The following XXYLT1 variants were observed in gnomAD, a reference collection of about 807,000 sequenced individuals.
XXYLT1 encodes xyloside xylosyltransferase 1.
XXYLT1 carries 20 observed loss-of-function variants against 28.9 expected under a neutral mutation model. That is an observed-to-expected ratio of 0.69 (90% confidence interval 0.49 to 1.00). The LOEUF is 1.00. Among genes scored for constraint, XXYLT1 ranks in the 50% least tolerant of loss-of-function variants. The pLI is 0.00. For synonymous variants in XXYLT1, 257 were observed against 253.8 expected (o/e 1.01, Z -0.12); for missense variants, 542 against 560.1 (o/e 0.97, Z 0.33).
rs961479580 is a variant in XXYLT1, at chr3:195,256,062, T to C, written c.504+14493A>G. 6.6e-6 allele frequency among the ~76,000 whole-genome samples: 1 copy of C among 152,158 alleles called. No individual in the cohort carries two copies. The highest frequency in any genetic ancestry group is 1.5e-5 in the Non-Finnish European group (1 of 68,004). On this transcript the variant is annotated intron_variant, in intron 1 of 3. Coordinates refer to ENST00000310380, the MANE Select transcript of XXYLT1 (RefSeq NM_152531.5). The surrounding 1 kb of genome is among the most constrained non-coding windows in gnomAD (Gnocchi z 4.2). ...GCCAGCAGCAGGCACAGGGGCACCG[T>C]GGGAACCCTTCTGGTGGGGCCCCAG...
chr3:195,076,242 C>T lies in XXYLT1; in HGVS notation c.786-6131G>A, dbSNP rs73074247. Among the ~76,000 whole-genome samples the T allele has an allele frequency of 0.014, 2,183 of 152,280 alleles. 32 individuals carry two copies. Among genetic ancestry groups the T allele is most frequent in the African/African-American group, 0.034 (1,394 of 41,556 alleles). On this transcript the variant is annotated intron_variant, in intron 3 of 3. Transcript: ENST00000310380. This position sits in a 1 kb window ranked among gnomAD's most constrained non-coding sequence, Gnocchi z 5.3. The stretch of plus-strand genomic sequence containing the variant: ...GAAGTGAGAAAAGAGGTGACATCTG[C>T]TGAGCAGATGTGCACAGCTTTAATC...
chr3:195,089,104 A>C (rs1350366906), intron 3 of XXYLT1, among the ~76,000 whole-genome samples: 1 of 150,518 alleles, frequency 6.6e-6, no homozygotes, highest in African/African-American at 2.4e-5. Context: ...AACACTCTGC[A>C]GGATATTATC....
At chr3:195,095,612 C>T (rs566088542) in intron 3 of XXYLT1, 24 of 153,960 alleles carry the variant, frequency 1.6e-4, no homozygotes, top group African/African-American at 5.0e-4. Context: ...ACTTTGTCAC[C>T]TGTGTGCTTA....
At chr3:195,175,699 G>C in intron 2 of XXYLT1, 1 of 1,536,150 alleles carries the variant, frequency 6.5e-7, no homozygotes, top group South Asian at 1.2e-5. Flanking sequence ...GATGGACTAT[G>C]AGCAGAAGTG....
intron 2 of XXYLT1, among the ~76,000 whole-genome samples, chr3:195,167,931 G>T (rs1467652387): frequency 1.3e-5 from 2 of 152,180 alleles, no homozygotes; most frequent in Non-Finnish European, 2.9e-5. Flanking sequence ...CAGGATACGG[G>T]ATCACTGTCC....
intron 2 of XXYLT1, among the ~76,000 whole-genome samples, chr3:195,166,126 A>G (rs1004811638): frequency 6.6e-6 from 1 of 151,800 alleles, no homozygotes; most frequent in Non-Finnish European, 1.5e-5. Context: ...CTTCCCATGG[A>G]GCAGAAGTCC....
chr3:195,204,441 G>GACACACAC (rs1389880459), intron 2 of XXYLT1, among the ~76,000 whole-genome samples: 2 of 146,742 alleles, frequency 1.4e-5, no homozygotes, highest in Non-Finnish European at 3.0e-5. Flanking sequence ...CTCTCTCCCT[G>GACACACAC]ACACACACAC....
At chr3:195,083,180 A>T (rs759791150) in intron 3 of XXYLT1, among the ~76,000 whole-genome samples, 6 of 152,158 alleles carry the variant, frequency 3.9e-5, no homozygotes, top group Non-Finnish European at 8.8e-5. Context: ...CCTACGCATA[A>T]GATCGCATCT....
intron 3 of XXYLT1, among the ~76,000 whole-genome samples, chr3:195,074,890 T>C (rs1715027537): frequency 6.6e-6 from 1 of 152,232 alleles, no homozygotes; most frequent in African/African-American, 2.4e-5. Context: ...CTGACCCTTA[T>C]TAGGATCTCT....
At chr3:195,227,716 G>T (rs1724117951) in intron 1 of XXYLT1, among the ~76,000 whole-genome samples, 1 of 152,050 alleles carries the variant, frequency 6.6e-6, no homozygotes, top group Non-Finnish European at 1.5e-5. Flanking sequence ...TAAATGCAGA[G>T]TCAGAACTTG....
intron 3 of XXYLT1, among the ~76,000 whole-genome samples, chr3:195,112,662 G>T (rs114723404): frequency 0.034 from 4,920 of 144,824 alleles, 281 homozygotes; most frequent in African/African-American, 0.12. Flanking sequence ...TCCCAGCCCC[G>T]GGTGGTGGGA....
intron 2 of XXYLT1, chr3:195,175,754 C>A (rs1721634712): frequency 8.5e-6 from 13 of 1,527,950 alleles, no homozygotes; most frequent in South Asian, 2.4e-5. Flanking sequence ...CACTGCAGGG[C>A]CTCAGCCACT....
rs75860980 is a variant in XXYLT1 at position 195,136,437 on chromosome 3, G to C, written c.785+20012C>G. ...TCCTAATTCAGGAAATAGAGGATGT[G>C]GTCTAAGAACCATCACTCCAGGACC... On this transcript the variant is annotated intron_variant, in intron 3 of 3. Transcript: ENST00000310380. Among the ~76,000 whole-genome samples, 295 of 152,162 alleles carry C rather than the reference G, an allele frequency of 1.9e-3. 3 individuals carry two copies. In the East Asian group the frequency reaches 0.031, roughly 16 times the overall value.
intron 3 of XXYLT1, among the ~76,000 whole-genome samples, chr3:195,112,202 A>C (rs1717756627): frequency 6.6e-6 from 1 of 152,184 alleles, no homozygotes; most frequent in Non-Finnish European, 1.5e-5. Flanking sequence ...CATCTCAGCG[A>C]CACCTGGGCA....
chr3:195,098,350 G>T (rs978719786), intron 3 of XXYLT1, among the ~76,000 whole-genome samples: 1 of 152,088 alleles, frequency 6.6e-6, no homozygotes, highest in African/African-American at 2.4e-5. Context: ...TCAGAAGATC[G>T]AGACCATCCT....
intron 3 of XXYLT1, among the ~76,000 whole-genome samples, chr3:195,088,180 A>ATT (rs1715878217): frequency 6.6e-6 from 1 of 151,628 alleles, no homozygotes; most frequent in African/African-American, 2.4e-5. Context: ...GGTGGAGCCC[A>ATT]CCACAGCTCA....
chr3:195,143,863 TAGATATAGATATATATA>T (rs1560117256), intron 3 of XXYLT1, among the ~76,000 whole-genome samples: 4 of 98,400 alleles, frequency 4.1e-5, no homozygotes, highest in South Asian at 8.1e-4. Context: ...TAGATATATA[TAGATATAGATATATATA>T]TATATATATT....
At chr3:195,083,922 G>A (rs1715579329) in intron 3 of XXYLT1, among the ~76,000 whole-genome samples, 1 of 152,068 alleles carries the variant, frequency 6.6e-6, no homozygotes, top group South Asian at 2.1e-4. Context: ...GCTCCTCAAG[G>A]TGCTGAGGCA....
At chr3:195,140,374 G>A (rs1318400599) in intron 3 of XXYLT1, among the ~76,000 whole-genome samples, 3 of 152,250 alleles carry the variant, frequency 2.0e-5, no homozygotes, top group African/African-American at 7.2e-5. Context: ...CGGACTAGCA[G>A]AGGATGTGGG....
Sources: allele counts gnomAD v4.1 joint callset (sites outside exome capture counted in the v4.1 genomes callset), GRCh38; gene constraint gnomAD v4.1.1; non-coding constraint Gnocchi (gnomAD v3.1); transcripts MANE v1.5; gene names NCBI Gene and HGNC (gene_info 2026-07-23, HGNC 2026-07-21).